DDX10: variants seen among roughly 807,000 people sequenced by gnomAD.
DDX10 encodes the protein probable ATP-dependent RNA helicase DDX10.
A neutral mutation model predicts 104.3 loss-of-function variants in DDX10; 74 were observed. The observed-to-expected ratio is 0.71, with a 90% CI of 0.59 to 0.86. The LOEUF (loss-of-function observed/expected upper bound fraction) is 0.86, where lower values mean the gene tolerates loss of function less well. Among genes scored for constraint, DDX10 ranks in the 40% least tolerant of loss-of-function variants. DDX10 has a pLI of 0.00. For synonymous variants in DDX10, 351 were observed against 353.4 expected (o/e 0.99, Z 0.08); for missense variants, 952 against 1,040.0 (o/e 0.92, Z 1.16).
chr11:108,723,261 T>C lies in DDX10; in HGVS notation c.1764T>C (p.Asp588=), dbSNP rs775739287. 6.2e-7 allele frequency: 1 copy of C among 1,613,228 alleles called. No homozygotes were observed. Among genetic ancestry groups the C allele is most frequent in the East Asian group, 2.2e-5 (1 of 44,784 alleles). ...AAGAACAGGAAGAAGAAGAAGACGA[T>C]GAAGAAGAAATGGAAGAGAAACTGG... ...GNEEQEEEED[D]EEEMEEKLAK... is the part of the protein sequence containing the mutation. The change falls in exon 13 of 18, where the codon GAT becomes GAC. Residue 588 remains aspartate, a synonymous_variant. Transcript: ENST00000322536.
intron 1 of DDX10, among the ~76,000 whole-genome samples, chr11:108,666,666 C>T (rs1341557082): frequency 6.6e-6 from 1 of 152,150 alleles, no homozygotes; most frequent in East Asian, 1.9e-4. Context: ...GCTGGCATTC[C>T]TTGGCCTGTG....
intron 13 of DDX10, among the ~76,000 whole-genome samples, chr11:108,747,661 G>A (rs184376995): frequency 7.9e-5 from 12 of 152,130 alleles, no homozygotes; most frequent in African/African-American, 2.9e-4. Flanking sequence ...ATTGTTTTAT[G>A]CCTCCTATTA....
rs993048425 is a variant in DDX10, at chr11:108,761,067, G to A, written c.1965+37605G>A. Among the ~76,000 whole-genome samples the A allele has an allele frequency of 4.6e-5, 7 of 152,020 alleles. No homozygotes were observed. The East Asian group carries it at 1.4e-3, about 29-fold the overall frequency. On this transcript the variant is annotated intron_variant, in intron 13 of 17. Coordinates refer to ENST00000322536, the MANE Select transcript of DDX10 (RefSeq NM_004398.4). ...ATTTTAAAAATAATACAAATATAAG[G>A]TATAAAATGAAAATAATTTTCGAGT... is the stretch of plus-strand genomic sequence containing the variant.
chr11:108,890,653 C>CAA (rs965901689), intron 16 of DDX10, among the ~76,000 whole-genome samples: 10 of 151,590 alleles, frequency 6.6e-5, no homozygotes, highest in South Asian at 2.1e-4. Context: ...CTACTTTTTT[C>CAA]AACGTAATAT....
At chr11:108,822,104 A>T (rs897943086) in intron 13 of DDX10, among the ~76,000 whole-genome samples, 2 of 152,236 alleles carry the variant, frequency 1.3e-5, no homozygotes, top group Admixed American at 6.5e-5. Flanking sequence ...TAGAAGGAGT[A>T]AACAGTGTTA....
At chr11:108,754,266 C>G (rs1358084978) in intron 13 of DDX10, among the ~76,000 whole-genome samples, 1 of 151,974 alleles carries the variant, frequency 6.6e-6, no homozygotes, top group Non-Finnish European at 1.5e-5. Context: ...CTTCGCTTGC[C>G]CTCCGTCTGA....
intron 13 of DDX10, among the ~76,000 whole-genome samples, chr11:108,790,483 A>G (rs1861856133): frequency 6.6e-6 from 1 of 152,176 alleles, no homozygotes. Context: ...ATCAAAATTG[A>G]TTCCCTTCTT....
chr11:108,827,796 T>G (rs1354968154), intron 13 of DDX10, among the ~76,000 whole-genome samples: 2 of 152,222 alleles, frequency 1.3e-5, no homozygotes, highest in Non-Finnish European at 2.9e-5. Context: ...TATGTTTGTC[T>G]TAGCAAATTA....
At chr11:108,672,514 G>A (rs1192209449) in intron 1 of DDX10, among the ~76,000 whole-genome samples, 1 of 152,194 alleles carries the variant, frequency 6.6e-6, no homozygotes, top group Non-Finnish European at 1.5e-5. Flanking sequence ...TTAAGACAAT[G>A]TTTTAATATT....
intron 13 of DDX10, among the ~76,000 whole-genome samples, chr11:108,807,120 G>A (rs927064842): frequency 1.3e-5 from 2 of 152,166 alleles, no homozygotes; most frequent in African/African-American, 4.8e-5. Flanking sequence ...ATATTTCTGA[G>A]ATAGAATTGA....
At chr11:108,736,709 G>A (rs1446872670) in intron 13 of DDX10, among the ~76,000 whole-genome samples, 1 of 152,060 alleles carries the variant, frequency 6.6e-6, no homozygotes, top group Non-Finnish European at 1.5e-5. Flanking sequence ...CTTGCCCTCT[G>A]CCTTCTGCCA....
chr11:108,783,615 A>G (rs1861743263), intron 13 of DDX10, among the ~76,000 whole-genome samples: 1 of 152,214 alleles, frequency 6.6e-6, no homozygotes, highest in Non-Finnish European at 1.5e-5. Flanking sequence ...GGTTAAATCC[A>G]GAGTATGGGA....
chr11:108,824,082 T>C (rs980831046), intron 13 of DDX10, among the ~76,000 whole-genome samples: 1 of 152,172 alleles, frequency 6.6e-6, no homozygotes, highest in Admixed American at 6.5e-5. Flanking sequence ...TTGCTCTGTG[T>C]CCCAGGCTGG....
At chr11:108,787,482 A>G (rs1861811015) in intron 13 of DDX10, among the ~76,000 whole-genome samples, 1 of 151,874 alleles carries the variant, frequency 6.6e-6, no homozygotes, top group Non-Finnish European at 1.5e-5. Flanking sequence ...AATGCCAATG[A>G]GCTGTAAACA....
At chr11:108,685,455 C>G (rs1011199898) in intron 6 of DDX10, among the ~76,000 whole-genome samples, 3 of 151,752 alleles carry the variant, frequency 2.0e-5, no homozygotes, top group Non-Finnish European at 4.4e-5. Flanking sequence ...GAGATGAACC[C>G]GGTACCTCAG....
chr11:108,895,417 C>T (rs1863428251), intron 16 of DDX10, among the ~76,000 whole-genome samples: 1 of 151,854 alleles, frequency 6.6e-6, no homozygotes, highest in South Asian at 2.1e-4. Context: ...AGTGTTATTT[C>T]CTAGCAGGTA....
At chr11:108,844,080 G>A (rs982715020) in intron 15 of DDX10, among the ~76,000 whole-genome samples, 1 of 152,142 alleles carries the variant, frequency 6.6e-6, no homozygotes, top group Non-Finnish European at 1.5e-5. Flanking sequence ...TTGGGCTGAC[G>A]AAGTTGTGAG....
At chr11:108,704,532 G>C (rs1385375588) in intron 9 of DDX10, among the ~76,000 whole-genome samples, 2 of 152,178 alleles carry the variant, frequency 1.3e-5, no homozygotes, top group Non-Finnish European at 2.9e-5. Flanking sequence ...GAGTGTGAGA[G>C]CTTCAGAAGT....
At chr11:108,809,516 A>G (rs770305748) in intron 13 of DDX10, among the ~76,000 whole-genome samples, 27 of 152,210 alleles carry the variant, frequency 1.8e-4, no homozygotes, top group African/African-American at 6.3e-4. Flanking sequence ...AAGGGAAGGA[A>G]CAAAATTAAA....
Sources: gnomAD v4.1 joint callset for allele counts (sites outside exome capture counted in the v4.1 genomes callset) on GRCh38, gnomAD v4.1.1 for gene constraint, MANE v1.5 for transcripts, NCBI Gene and HGNC (gene_info 2026-07-23, HGNC 2026-07-21) for gene names.